GDI2: variants seen among roughly 807,000 people sequenced by gnomAD.
GDI2 encodes the protein GDP dissociation inhibitor 2, also known as rab GDP dissociation inhibitor beta.
In GDI2, 22 loss-of-function variants were observed where a neutral mutation model predicts 54.2. The ratio of observed to expected loss-of-function variants is 0.41; its 90% CI spans 0.29 to 0.58. The LOEUF (loss-of-function observed/expected upper bound fraction) is 0.58, where lower values mean the gene tolerates loss of function less well. Among genes scored for constraint, GDI2 ranks in the 20% least tolerant of loss-of-function variants. GDI2 has a pLI of 0.35. For synonymous variants in GDI2, 177 were observed against 182.1 expected (o/e 0.97, Z 0.23); for missense variants, 422 against 546.0 (o/e 0.77, Z 2.26).
intron 7 of GDI2, among the ~76,000 whole-genome samples, chr10:5,770,335 T>G (rs1395262499): frequency 2.0e-5 from 3 of 150,790 alleles, no homozygotes; most frequent in Non-Finnish European, 4.4e-5. Flanking sequence ...CCAAGGTGGG[T>G]GGATCATTTG....
In GDI2 at chr10:5,776,850, TATGA is replaced by T. The variant is rs1233189534; in HGVS notation, c.720-2913_720-2910del. ...GAGCTGAGGATATTCTGAAAGGATT[TATGA>T]ATAATTAAAATGGAAGGCCAGAGAA... is the stretch of plus-strand genomic sequence containing the variant. On this transcript the variant is annotated intron_variant, in intron 6 of 10. Coordinates refer to ENST00000380191, the MANE Select transcript of GDI2 (RefSeq NM_001494.4). This position sits in a 1 kb window ranked among gnomAD's most constrained non-coding sequence, Gnocchi z 5.3. 2 of 1,253,512 alleles carry T rather than the reference TATGA, an allele frequency of 1.6e-6. No homozygotes were observed. The highest frequency in any genetic ancestry group is 3.0e-5 in the African/African-American group (2 of 65,978). The allele number at this position is 1,253,512 out of a possible 1,614,324, so 77.6% of individuals were successfully genotyped here. A position where few individuals can be genotyped will look rare whatever the true frequency, so the allele number is the denominator to read the frequency against.
At position 5,800,464 on chromosome 10, in the gene GDI2, C is replaced by T. The variant is rs150257304; in HGVS notation, c.153+134G>A. ...ATTTCTATGAGCTTCAAACCAGAAG[C>T]TCCTGAAAAACAGTGCTCCAGATAT... On this transcript the variant is annotated intron_variant, in intron 2 of 10. Coordinates refer to ENST00000380191, the MANE Select transcript of GDI2 (RefSeq NM_001494.4). The T allele has an allele frequency of 1.5e-3, 939 of 636,484 alleles. 9 individuals are homozygous for T. In the African/African-American group the frequency reaches 0.016, roughly 11 times the overall value. The allele number at this position is 636,484 out of a possible 1,614,324, so 39.4% of individuals were successfully genotyped here. A position where few individuals can be genotyped will look rare whatever the true frequency, so the allele number is the denominator to read the frequency against.
intron 8 of GDI2, among the ~76,000 whole-genome samples, chr10:5,767,251 C>A (rs1017537981): frequency 1.3e-5 from 2 of 151,266 alleles, no homozygotes; most frequent in Non-Finnish European, 2.9e-5. Context: ...GGACCCAGGA[C>A]CCGCCTGGGA....
Position 5,766,275 on chromosome 10 carries a change from A to T in GDI2, c.1157T>A (p.Leu386His). The T allele has an allele frequency of 6.2e-7, 1 of 1,613,602 alleles. No homozygotes were observed. Among genetic ancestry groups the T allele is most frequent in the South Asian group, 1.1e-5 (1 of 91,066 alleles). ...IEQKFVSISD[L>H]LVPKDLGTES... is the part of the protein sequence containing the mutation. ...TGTTCCCAAGTCTTTTGGTACCAGGAGGTCACTGATGCTAACAAATCTGGA... is the reference window on the plus strand; with the variant it reads ...TGTTCCCAAGTCTTTTGGTACCAGGTGGTCACTGATGCTAACAAATCTGGA... Residue 386 changes from leucine (L) to histidine (H), a missense_variant, in exon 10 of 11, where the codon CTC becomes CAC. Physicochemically the swap from Leu to His is moderately conservative, Grantham distance 99. Transcript: ENST00000380191. This position sits in a 1 kb window ranked among gnomAD's most constrained non-coding sequence, Gnocchi z 5.8.
At chr10:5,795,122 A>G in intron 3 of GDI2, 103 bp from the exon 4 acceptor site, 1 of 709,242 alleles carries the variant, frequency 1.4e-6, no homozygotes. Flanking sequence ...GATGTTCAAT[A>G]ACTCCAACAA....
chr10:5,809,504 AT>A (rs1311323775), intron 1 of GDI2, among the ~76,000 whole-genome samples: 1 of 152,114 alleles, frequency 6.6e-6, no homozygotes, highest in Non-Finnish European at 1.5e-5. Context: ...CCTTGCCAAT[AT>A]TTTTTTAAAG....
chr10:5,791,824 G>A (rs1439861543), intron 4 of GDI2, among the ~76,000 whole-genome samples: 5 of 152,092 alleles, frequency 3.3e-5, no homozygotes, highest in African/African-American at 4.8e-5. Context: ...GCTGAGGCAG[G>A]AGAATTGCTT....
At chr10:5,791,715 G>A (rs1841016694) in intron 4 of GDI2, among the ~76,000 whole-genome samples, 1 of 150,088 alleles carries the variant, frequency 6.7e-6, no homozygotes, top group African/African-American at 2.5e-5. Context: ...ACTCCAGCCT[G>A]GGCAACAAGA....
At chr10:5,786,087 A>T (rs533319618) in intron 4 of GDI2, 37 bp from the exon 5 acceptor site, 2 of 1,378,112 alleles carry the variant, frequency 1.5e-6, no homozygotes, top group South Asian at 2.3e-5. Context: ...GCACACTCAC[A>T]ATCAGACATT....
intron 2 of GDI2, among the ~76,000 whole-genome samples, 199 bp downstream of exon 2, chr10:5,800,399 G>C (rs866937609): frequency 6.6e-6 from 1 of 152,212 alleles, no homozygotes; most frequent in African/African-American, 2.4e-5. Flanking sequence ...TTAATGCTAA[G>C]AGATAACTGC....
chr10:5,805,184 A>C (rs1841349672), intron 1 of GDI2, among the ~76,000 whole-genome samples: 1 of 151,840 alleles, frequency 6.6e-6, no homozygotes, highest in African/African-American at 2.4e-5. Context: ...AGGGCATCTC[A>C]GTGTGGTTCC....
chr10:5,772,527 C>T (rs184175277), intron 7 of GDI2, among the ~76,000 whole-genome samples: 25 of 152,100 alleles, frequency 1.6e-4, no homozygotes, highest in Admixed American at 1.2e-3. Context: ...GAGGCTGAGG[C>T]GGGCGGATCA....
intron 6 of GDI2, among the ~76,000 whole-genome samples, chr10:5,778,230 G>A (rs1328921655): frequency 1.3e-5 from 2 of 152,116 alleles, no homozygotes; most frequent in African/African-American, 2.4e-5. Flanking sequence ...GTATACCTAT[G>A]TAACAAACCT....
rs56770624 is a variant in GDI2, at chr10:5,767,318, GTTTTT to G, written c.992-685_992-681del. ...TTCTACAGATCATCTTTTGTGATTG[GTTTTT>G]TTTTGTGTTTTAACAGTCTGGCTCT... On this transcript the variant is annotated intron_variant, in intron 8 of 10. Coordinates refer to ENST00000380191, the MANE Select transcript of GDI2 (RefSeq NM_001494.4). 1.3e-5 allele frequency among the ~76,000 whole-genome samples: 2 copies of G among 150,808 alleles called. 1 individual carries two copies. The highest frequency in any genetic ancestry group is 3.0e-5 in the Non-Finnish European group (2 of 67,708).
In GDI2 at chr10:5,768,995, T is replaced by C. The variant is rs974276593; in HGVS notation, c.820-611A>G. ...CAGGATTTCATGAAAATTTTAAAAA[T>C]CTTGTGCATAGCCAGGCATGGTGGC... On this transcript the variant is annotated intron_variant, in intron 7 of 10. Transcript: ENST00000380191. This position sits in a 1 kb window ranked among gnomAD's most constrained non-coding sequence, Gnocchi z 4.4. The C allele has an allele frequency of 6.6e-6, 1 of 152,084 alleles. No homozygotes were observed. Among genetic ancestry groups the C allele is most frequent in the African/African-American group, 2.4e-5 (1 of 41,398 alleles). 9.4% of individuals were successfully genotyped at this position (152,084 alleles called of 1,614,324 possible).
intron 6 of GDI2, among the ~76,000 whole-genome samples, chr10:5,780,323 T>G (rs535604742): frequency 1.3e-5 from 2 of 151,462 alleles, no homozygotes; most frequent in South Asian, 4.2e-4. Context: ...GAAAACATAT[T>G]TAATAGTAAA....
rs774905963 is a variant in GDI2, at chr10:5,766,631, G to A, written c.999C>T (p.Tyr333=). 6 of 1,613,078 alleles carry A rather than the reference G, an allele frequency of 3.7e-6. No individual in the cohort carries two copies. The highest frequency in any genetic ancestry group is 1.6e-4 in the Middle Eastern group (1 of 6,084). Reference sequence around the variant, plus strand: ...TGTGCGCAAAGGAGATCATGCAGACGTAGATATCTAGAAACAAATGATACC... The same window carrying A: ...TGTGCGCAAAGGAGATCATGCAGACATAGATATCTAGAAACAAATGATACC... ...QNQVNRKSDI[Y]VCMISFAHNV... Residue 333 remains tyrosine (Y), a synonymous_variant, in exon 9 of 11, where the codon TAC becomes TAT. Transcript: ENST00000380191. This position sits in a 1 kb window ranked among gnomAD's most constrained non-coding sequence, Gnocchi z 5.8.
intron 1 of GDI2, among the ~76,000 whole-genome samples, chr10:5,805,819 G>A (rs1367040359): frequency 6.6e-6 from 1 of 152,202 alleles, no homozygotes; most frequent in Non-Finnish European, 1.5e-5. Context: ...TGTAATATCC[G>A]AGTTGGGGCC....
intron 2 of GDI2, among the ~76,000 whole-genome samples, chr10:5,797,324 A>G (rs998718304): frequency 7.2e-5 from 11 of 152,010 alleles, no homozygotes; most frequent in Non-Finnish European, 1.5e-5. Flanking sequence ...AGGCGGGTGG[A>G]TCAGGAGGTC....
Sources: allele counts gnomAD v4.1 joint callset (sites outside exome capture counted in the v4.1 genomes callset), GRCh38; gene constraint gnomAD v4.1.1; non-coding constraint Gnocchi (gnomAD v3.1); transcripts MANE v1.5; gene names NCBI Gene and HGNC (gene_info 2026-07-23, HGNC 2026-07-21).